Variants in CD226 observed in about 807,000 individuals in gnomAD.
CD226 encodes the protein CD226 antigen.
CD226 carries 24 observed loss-of-function variants against 34.9 expected under a neutral mutation model. The observed-to-expected ratio is 0.69, with a 90% CI of 0.50 to 0.97. The LOEUF (loss-of-function observed/expected upper bound fraction) is 0.97, where lower values mean the gene tolerates loss of function less well. Among genes scored for constraint, CD226 ranks in the 50% least tolerant of loss-of-function variants. The probability of loss-of-function intolerance (pLI) is 0.00; values close to 1 mark genes in which losing one functional copy is unlikely to be tolerated. For synonymous variants in CD226, 148 were observed against 147.4 expected, an observed-to-expected ratio of 1.00 and a Z score of -0.03; for missense variants, 397 against 412.7, an observed-to-expected ratio of 0.96 and a Z score of 0.33.
At chr18:69,877,150 C>T (rs951398775) in intron 3 of CD226, among the ~76,000 whole-genome samples, 2 of 152,200 alleles carry the variant, frequency 1.3e-5, no homozygotes, top group African/African-American at 2.4e-5. Flanking sequence ...AGGCGTGAGC[C>T]ACCGTGCCCA....
At chr18:69,896,511 T>G (rs1202104997) in intron 2 of CD226, among the ~76,000 whole-genome samples, 5 of 151,676 alleles carry the variant, frequency 3.3e-5, no homozygotes, top group African/African-American at 1.2e-4. Flanking sequence ...AGAGAAAGGG[T>G]TTTTTTTGTT....
chr18:69,937,390 C>A (rs1408070788), intron 2 of CD226, among the ~76,000 whole-genome samples: 1 of 152,138 alleles, frequency 6.6e-6, no homozygotes, highest in East Asian at 1.9e-4. Context: ...CTATTAATCT[C>A]AACATCCAAA....
rs1458676403 is a variant in CD226 at position 69,896,028 on chromosome 18, C to T, written c.400G>A (p.Val134Met). The part of the protein sequence containing the change: ...VVQSDSFEAA[V>M]PSNSHIVSEP... ...GAAACAATGTGGCTATTTGATGGCA[C>T]AGCTGCCTCAAAACTATCTGAAAAG... Residue 134 changes from valine to methionine, a missense_variant, in exon 3 of 6, where the codon GTG becomes ATG. Val to Met is a conservative substitution (Grantham distance 21). Transcript: ENST00000582621. 1.6e-5 allele frequency: 26 copies of T among 1,608,770 alleles called. No homozygotes were observed. Among genetic ancestry groups the T allele is most frequent in the Non-Finnish European group, 2.2e-5 (26 of 1,178,426 alleles).
chr18:69,933,734 A>G (rs1475434660), intron 2 of CD226, among the ~76,000 whole-genome samples: 1 of 152,266 alleles, frequency 6.6e-6, no homozygotes, highest in Non-Finnish European at 1.5e-5. Context: ...CATTTGAGCA[A>G]CAACAAGGTT....
upstream of CD226, among the ~76,000 whole-genome samples, chr18:69,960,855 G>T (rs1050721782): frequency 6.6e-6 from 1 of 152,166 alleles, no homozygotes; most frequent in African/African-American, 2.4e-5. Flanking sequence ...CAGCAACCTT[G>T]ATAGTGAGAC....
chr18:69,928,177 C>T (rs147191740), intron 2 of CD226, among the ~76,000 whole-genome samples: 16 of 152,306 alleles, frequency 1.1e-4, no homozygotes, highest in African/African-American at 3.1e-4. Flanking sequence ...TTCACTTACT[C>T]GAAAGTACTC....
chr18:69,940,690 A>G (rs927520560), intron 2 of CD226, among the ~76,000 whole-genome samples: 3 of 152,258 alleles, frequency 2.0e-5, no homozygotes, highest in African/African-American at 7.2e-5. Flanking sequence ...TAAGGGGCAA[A>G]GCATTCAAGA....
At chr18:69,884,407 C>A (rs1984440635) in intron 3 of CD226, among the ~76,000 whole-genome samples, 1 of 152,206 alleles carries the variant, frequency 6.6e-6, no homozygotes, top group Non-Finnish European at 1.5e-5. Context: ...CCCAGTCTGC[C>A]AGTGGATTTC....
intron 2 of CD226, among the ~76,000 whole-genome samples, chr18:69,926,442 T>C (rs1002929474): frequency 2.6e-5 from 4 of 152,104 alleles, no homozygotes; most frequent in African/African-American, 9.7e-5. Context: ...GAGTCCCCTT[T>C]ATGGCATTAT....
chr18:69,950,018 A>C (rs2055836384), upstream of CD226, among the ~76,000 whole-genome samples: 1 of 151,904 alleles, frequency 6.6e-6, no homozygotes, highest in African/African-American at 2.4e-5. Context: ...TCTCACACAC[A>C]CAATCACATG....
chr18:69,874,897 CAT>C (rs1460241630), intron 3 of CD226, among the ~76,000 whole-genome samples: 3 of 152,184 alleles, frequency 2.0e-5, no homozygotes, highest in Non-Finnish European at 4.4e-5. Context: ...CCCTGTCACA[CAT>C]GATATGATTT....
chr18:69,909,704 G>A (rs2055300999), intron 2 of CD226, among the ~76,000 whole-genome samples: 1 of 152,174 alleles, frequency 6.6e-6, no homozygotes, highest in Non-Finnish European at 1.5e-5. Context: ...TTTTGGATTT[G>A]CAATGAAATT....
intron 3 of CD226, among the ~76,000 whole-genome samples, chr18:69,886,277 G>A (rs914454082): frequency 6.6e-6 from 1 of 152,170 alleles, no homozygotes; most frequent in East Asian, 1.9e-4. Flanking sequence ...GTAACTACGA[G>A]TAAATTCTCA....
intron 3 of CD226, among the ~76,000 whole-genome samples, chr18:69,874,756 A>AT (rs1211995165): frequency 1.5e-4 from 23 of 151,810 alleles, no homozygotes; most frequent in African/African-American, 5.6e-4. Context: ...AGAGAAACTA[A>AT]GACAAATAAG....
chr18:69,916,798 T>C (rs1392200616), intron 2 of CD226, among the ~76,000 whole-genome samples: 1 of 152,218 alleles, frequency 6.6e-6, no homozygotes, highest in Non-Finnish European at 1.5e-5. Context: ...TATATGCTCA[T>C]CAAGTTTGCT....
At chr18:69,886,896 A>G (rs1021485202) in intron 3 of CD226, among the ~76,000 whole-genome samples, 2 of 152,148 alleles carry the variant, frequency 1.3e-5, no homozygotes, top group African/African-American at 4.8e-5. Context: ...CCAATTTTAA[A>G]CCATTTTATG....
intron 2 of CD226, among the ~76,000 whole-genome samples, chr18:69,922,069 C>G (rs1330940465): frequency 6.6e-6 from 1 of 152,130 alleles, no homozygotes; most frequent in African/African-American, 2.4e-5. Context: ...CTAAACGGAG[C>G]ACTAAGGTGT....
Position 69,946,736 on chromosome 18 carries a change from G to T in CD226, c.380C>A (p.Ser127Ter). 1.2e-6 allele frequency: 2 copies of T among 1,600,480 alleles called. No individual in the cohort carries two copies. Among genetic ancestry groups the T allele is most frequent in the South Asian group, 2.2e-5 (2 of 89,446 alleles). Residue 127 changes from serine (S) to a stop codon, truncating the protein, a stop_gained and splice_region_variant, in exon 2 of 6, where the codon TCA becomes TAA. Coordinates refer to ENST00000582621, the MANE Select transcript of CD226 (RefSeq NM_001303618.2). LOFTEE classifies it high-confidence loss of function. ...TWQKVIQVVQ[S>*]DSFEAAVPSN... Reference sequence around the variant, plus strand: ...AAAAAAAAAAAACTTGCCCTTACCTGACTGAACCACCTGTATCACCTTCTG... The same window carrying T: ...AAAAAAAAAAAACTTGCCCTTACCTTACTGAACCACCTGTATCACCTTCTG...
At chr18:69,937,206 G>A (rs1461142786) in intron 2 of CD226, among the ~76,000 whole-genome samples, 1 of 152,184 alleles carries the variant, frequency 6.6e-6, no homozygotes, top group Non-Finnish European at 1.5e-5. Context: ...GCTTTAATTT[G>A]TTGATCAATT....
Sources: gnomAD v4.1 joint callset for allele counts (sites outside exome capture counted in the v4.1 genomes callset) on GRCh38, gnomAD v4.1.1 for gene constraint, MANE v1.5 for transcripts, NCBI Gene and HGNC (gene_info 2026-07-23, HGNC 2026-07-21) for gene names.